The following METTL26 variants were observed in gnomAD, a reference collection of about 807,000 sequenced individuals.
METTL26 encodes methyltransferase like 26.
In METTL26, 28 loss-of-function variants were observed where a neutral mutation model predicts 24.7. That is an observed-to-expected ratio of 1.13 (90% confidence interval 0.84 to 1.55). The LOEUF is 1.55. Among genes scored for constraint, METTL26 ranks in the 40% most tolerant of loss-of-function variants. The pLI is 0.00. For synonymous variants in METTL26, 165 were observed against 125.2 expected, an observed-to-expected ratio of 1.32 and a Z score of -2.12; for missense variants, 344 against 281.2, an observed-to-expected ratio of 1.22 and a Z score of -1.60.
In METTL26 at chr16:636,153, C is replaced by T; in HGVS notation, c.138G>A (p.Ala46=). Residue 46 remains alanine, a synonymous_variant, in exon 1 of 6, where the codon GCG becomes GCA. Coordinates refer to ENST00000301686, the MANE Select transcript of METTL26 (RefSeq NM_032366.5). Reference sequence around the variant, plus strand: ...GCCACTCGGCCAGGGGGAAGGCCCGCGCGAAGTGCGCTGCGTGCTGGCCGG... The same window carrying T: ...GCCACTCGGCCAGGGGGAAGGCCCGTGCGAAGTGCGCTGCGTGCTGGCCGG... ...SGSGQHAAHF[A]RAFPLAEWQP... is the part of the protein sequence containing the mutation. 2 of 1,464,034 alleles carry T rather than the reference C, an allele frequency of 1.4e-6. No individual in the cohort carries two copies. Among genetic ancestry groups the T allele is most frequent in the Middle Eastern group, 2.4e-4 (1 of 4,206 alleles). The allele number at this position is 1,464,034 out of a possible 1,614,324, so 90.7% of individuals were successfully genotyped here. A position where few individuals can be genotyped will look rare whatever the true frequency, so the allele number is the denominator to read the frequency against.
rs1057418110 is a variant in METTL26 at position 636,303 on chromosome 16, A to C, written c.-13T>G. ...CCGCCACCAGCATCGCGGCAGCAAC[A>C]ACTCCCCGCCGCGGACGCGGCGCGG... is the stretch of plus-strand genomic sequence containing the variant. On this transcript the variant is annotated 5_prime_UTR_variant, in exon 1 of 6. Transcript: ENST00000301686. The C allele has an allele frequency of 1.4e-6, 2 of 1,412,984 alleles. No individual in the cohort carries two copies. Among genetic ancestry groups the C allele is most frequent in the Non-Finnish European group, 1.8e-6 (2 of 1,092,768 alleles). 87.5% of individuals were successfully genotyped at this position (1,412,984 alleles called of 1,614,324 possible). A position where few individuals can be genotyped will look rare whatever the true frequency, so the allele number is the denominator to read the frequency against.
Position 635,318 on chromosome 16 carries a change from T to C in METTL26, c.383A>G (p.His128Arg). 1 of 1,600,034 alleles carries C rather than the reference T, an allele frequency of 6.2e-7. No homozygotes were observed. Among genetic ancestry groups the C allele is most frequent in the African/African-American group, 1.3e-5 (1 of 74,916 alleles). The change falls in exon 3 of 6, where the codon CAC (histidine) becomes CGC (arginine). Residue 128 changes from histidine to arginine, a missense_variant. His to Arg is a conservative substitution (Grantham distance 29). Coordinates refer to ENST00000301686, the MANE Select transcript of METTL26 (RefSeq NM_032366.5). ...CTEGLFRAAGHLLKPRALLIT... is the reference protein window; with the variant it reads ...CTEGLFRAAGRLLKPRALLIT... ...GAGCAGGGCCCTGGGTTTGAGCAGGTGTCCTGCTGCTCTGAAGAGCCCCTG... is the reference window on the plus strand; with the variant it reads ...GAGCAGGGCCCTGGGTTTGAGCAGGCGTCCTGCTGCTCTGAAGAGCCCCTG...
Position 635,879 on chromosome 16 carries a change from G to C in METTL26, c.198-105C>G, listed in dbSNP as rs1033127507. ...AGGCTGGGGGGCACGTTGAGGAGCG[G>C]AGACCAAAGCGGCTGGGAAGGGGGA... is the stretch of plus-strand genomic sequence containing the variant. On this transcript the variant is annotated intron_variant, in intron 1 of 5. Coordinates refer to ENST00000301686, the MANE Select transcript of METTL26 (RefSeq NM_032366.5). The C allele has an allele frequency of 2.1e-6, 3 of 1,423,632 alleles. No individual in the cohort carries two copies. The South Asian group carries it at 4.2e-5, about 20-fold the overall frequency. The allele number at this position is 1,423,632 out of a possible 1,614,324, so 88.2% of individuals were successfully genotyped here. A position where few individuals can be genotyped will look rare whatever the true frequency, so the allele number is the denominator to read the frequency against.
Position 634,738 on chromosome 16 carries a change from C to T in METTL26, c.548G>A (p.Gly183Asp). 6.2e-6 allele frequency: 10 copies of T among 1,612,806 alleles called. No homozygotes were observed. The highest frequency in any genetic ancestry group is 2.2e-5 in the South Asian group (2 of 91,068). Residue 183 changes from glycine to aspartate, a missense_variant, in exon 5 of 6, where the codon GGC becomes GAC. Transcript: ENST00000301686. ...ALLEDLGKAS[G>D]LLLERMVDMP... ...ACCTACCATCCTCTCCAGGAGCAGG[C>T]CACTGGCCTTTCCCAGGTCCTCCAG...
rs13335061 is a variant in METTL26 at position 635,708 on chromosome 16, C to T, written c.264G>A (p.Thr88=). Residue 88 remains threonine (T), a synonymous_variant, in exon 2 of 6, where the codon ACG becomes ACA. Coordinates refer to ENST00000301686, the MANE Select transcript of METTL26 (RefSeq NM_032366.5). ...TCCCGCCCCAGTGCTCCCAGCCCCA[C>T]GTCACGTCCAGGTGTAGCGGGGCCT... ...NVKAPLHLDV[T]WGWEHWGGIL... The T allele has an allele frequency of 1.7e-3, 2,727 of 1,568,382 alleles. 46 individuals carry two copies. The African/African-American group carries it at 0.033, about 19-fold the overall frequency.
chr16:636,126 C>A lies in METTL26; in HGVS notation c.165G>T (p.Gln55His). 1 of 1,422,358 alleles carries A rather than the reference C, an allele frequency of 7.0e-7. No individual in the cohort carries two copies. The highest frequency in any genetic ancestry group is 1.4e-5 in the South Asian group (1 of 69,032). 88.1% of individuals were successfully genotyped at this position (1,422,358 alleles called of 1,614,324 possible). The change falls in exon 1 of 6, where the codon CAG (glutamine) becomes CAT (histidine). Residue 55 changes from glutamine (Q) to histidine (H), a missense_variant. Coordinates refer to ENST00000301686, the MANE Select transcript of METTL26 (RefSeq NM_032366.5). ...FARAFPLAEW[Q>H]PSDVDQRCLD... Reference sequence around the variant, plus strand: ...GGCAGCGCTGGTCCACGTCCGACGGCTGCCACTCGGCCAGGGGGAAGGCCC... The same window carrying A: ...GGCAGCGCTGGTCCACGTCCGACGGATGCCACTCGGCCAGGGGGAAGGCCC...
intron 4 of METTL26, 32 bp downstream of exon 4, chr16:634,857 C>A: frequency 6.4e-7 from 1 of 1,573,848 alleles, no homozygotes; most frequent in Non-Finnish European, 8.6e-7. Flanking sequence ...CCACCTGCCA[C>A]CTGAGCCAGA....
intron 3 of METTL26, 34 bp downstream of exon 3, chr16:635,247 G>GA (rs1261403210): frequency 6.5e-7 from 1 of 1,546,776 alleles, no homozygotes; most frequent in East Asian, 2.4e-5. Context: ...CTAGGACTGG[G>GA]AGCGGGAGGC....
Position 636,141 on chromosome 16 carries a change from G to A in METTL26, c.150C>T (p.Pro50=). 1 of 1,448,402 alleles carries A rather than the reference G, an allele frequency of 6.9e-7. No homozygotes were observed. The allele number at this position is 1,448,402 out of a possible 1,614,324, so 89.7% of individuals were successfully genotyped here. ...QHAAHFARAF[P]LAEWQPSDVD... ...CGTCCGACGGCTGCCACTCGGCCAG[G>A]GGGAAGGCCCGCGCGAAGTGCGCTG... The change falls in exon 1 of 6, where the codon CCC becomes CCT. Residue 50 remains proline (P), a synonymous_variant. Coordinates refer to ENST00000301686, the MANE Select transcript of METTL26 (RefSeq NM_032366.5).
In METTL26 at chr16:635,581, G is replaced by A. The variant is rs148483430; in HGVS notation, c.360+31C>T. 27 of 1,546,900 alleles carry A rather than the reference G, an allele frequency of 1.7e-5. No homozygotes were observed. The Middle Eastern group carries it at 6.7e-4, about 38-fold the overall frequency. ...CCCCATGCAGGGTGAGTGGTGCCAC[G>A]GCAGACACCCATGCTGGGCTCCCCA... On this transcript the variant is annotated intron_variant, in intron 2 of 5. Transcript: ENST00000301686.
intron 3 of METTL26, 62 bp from the exon 4 acceptor site, chr16:635,018 A>AC: frequency 6.5e-7 from 1 of 1,546,584 alleles, no homozygotes; most frequent in Non-Finnish European, 8.7e-7. Flanking sequence ...AGAGCCTGGG[A>AC]CAGACTTGCA....
intron 4 of METTL26, 32 bp downstream of exon 4, chr16:634,857 C>G: frequency 6.4e-7 from 1 of 1,573,848 alleles, no homozygotes; most frequent in Non-Finnish European, 8.6e-7. Context: ...CCACCTGCCA[C>G]CTGAGCCAGA....
At chr16:636,024 G>C in intron 1 of METTL26, 70 bp downstream of exon 1, 2 of 1,441,676 alleles carry the variant, frequency 1.4e-6, no homozygotes, top group Non-Finnish European at 1.8e-6. Context: ...TTCCTCCGGG[G>C]CTGCGGGCCG....
rs753314950 is a variant in METTL26 at position 636,291 on chromosome 16, C to G, written c.-1G>C. On this transcript the variant is annotated 5_prime_UTR_variant, in exon 1 of 6. Coordinates refer to ENST00000301686, the MANE Select transcript of METTL26 (RefSeq NM_032366.5). ...GCTCCGCGGCCGCCGCCACCAGCAT[C>G]GCGGCAGCAACAACTCCCCGCCGCG... The G allele has an allele frequency of 4.9e-6, 7 of 1,438,280 alleles. No homozygotes were observed. The highest frequency in any genetic ancestry group is 1.4e-5 in the South Asian group (1 of 71,270). 89.1% of individuals were successfully genotyped at this position (1,438,280 alleles called of 1,614,324 possible). A position where few individuals can be genotyped will look rare whatever the true frequency, so the allele number is the denominator to read the frequency against.
chr16:636,168 G>C lies in METTL26; in HGVS notation c.123C>G (p.His41Gln), dbSNP rs182493474. 1 of 1,483,466 alleles carries C rather than the reference G, an allele frequency of 6.7e-7. No individual in the cohort carries two copies. The highest frequency in any genetic ancestry group is 1.5e-5 in the African/African-American group (1 of 67,748). The allele number at this position is 1,483,466 out of a possible 1,614,324, so 91.9% of individuals were successfully genotyped here. Residue 41 changes from histidine (H) to glutamine (Q), a missense_variant, in exon 1 of 6, where the codon CAC becomes CAG. By Grantham distance (24) the His-to-Gln change is conservative. Transcript: ENST00000301686. The part of the protein sequence containing the change: ...VLEVASGSGQ[H>Q]AAHFARAFPL... ...GGAAGGCCCGCGCGAAGTGCGCTGC[G>C]TGCTGGCCGGAGCCCGAGGCCACCT...
chr16:635,665 C>T lies in METTL26; in HGVS notation c.307G>A (p.Asp103Asn), dbSNP rs1447518188. The change falls in exon 2 of 6, where the codon GAC becomes AAC. Residue 103 changes from aspartate to asparagine, a missense_variant. By Grantham distance (23) the Asp-to-Asn change is conservative (BLOSUM62 1). Transcript: ENST00000301686. Reference sequence around the variant, plus strand: ...GCCATGTTGATGCAGAGCAACAGGTCCAGCGACTGTGGCAGGATCCCGCCC... The same window carrying T: ...GCCATGTTGATGCAGAGCAACAGGTTCAGCGACTGTGGCAGGATCCCGCCC... ...HWGGILPQSL[D>N]LLLCINMAHV... 4 of 1,553,404 alleles carry T rather than the reference C, an allele frequency of 2.6e-6. No individual in the cohort carries two copies. The highest frequency in any genetic ancestry group is 1.4e-5 in the African/African-American group (1 of 73,364).
chr16:634,449 T>C lies in METTL26; in HGVS notation c.*148A>G, dbSNP rs2037014997. ...AGCAAGCCGGCAGCAGGACATGCTTTATTCTGAGCAGGCTGGGCCCTTCGG... is the reference window on the plus strand; with the variant it reads ...AGCAAGCCGGCAGCAGGACATGCTTCATTCTGAGCAGGCTGGGCCCTTCGG... On this transcript the variant is annotated 3_prime_UTR_variant, in exon 6 of 6. Coordinates refer to ENST00000301686, the MANE Select transcript of METTL26 (RefSeq NM_032366.5). 1 of 1,476,920 alleles carries C rather than the reference T, an allele frequency of 6.8e-7. No homozygotes were observed. The highest frequency in any genetic ancestry group is 2.3e-5 in the East Asian group (1 of 44,202). 91.5% of individuals were successfully genotyped at this position (1,476,920 alleles called of 1,614,324 possible).
intron 3 of METTL26, 134 bp from the exon 4 acceptor site, chr16:635,090 G>T: frequency 4.0e-6 from 6 of 1,515,740 alleles, no homozygotes; most frequent in Non-Finnish European, 5.3e-6. Context: ...GTCAGCCAAG[G>T]CCAGCCTGGT....
chr16:634,548 T>C lies in METTL26; in HGVS notation c.*49A>G. 2 of 1,612,982 alleles carry C rather than the reference T, an allele frequency of 1.2e-6. No homozygotes were observed. The highest frequency in any genetic ancestry group is 1.7e-6 in the Non-Finnish European group (2 of 1,179,920). On this transcript the variant is annotated 3_prime_UTR_variant, in exon 6 of 6. Coordinates refer to ENST00000301686, the MANE Select transcript of METTL26 (RefSeq NM_032366.5). ...GGCCTAGGGAGGCAGGGTTCGTGCC[T>C]CACAGAGCCTCCGGCAGGGATGCAG...
Sources: gnomAD v4.1 joint callset for allele counts on GRCh38, gnomAD v4.1.1 for gene constraint, MANE v1.5 for transcripts, NCBI Gene and HGNC (gene_info 2026-07-23, HGNC 2026-07-21) for gene names.